Variants in QTGAL observed in about 807,000 individuals in gnomAD.
QTGAL encodes the protein queuosine-tRNA galactosyltransferase, also known as BGnT-like protein 1.
At chr17:83,012,614 G>A in the QTGAL span, among the ~76,000 whole-genome samples, 1 of 152,166 alleles carries the variant, frequency 6.6e-6, no homozygotes, top group African/African-American at 2.4e-5. Flanking sequence ...CAGCTGCAGG[G>A]ACGCAAAGGG....
chr17:83,037,215 C>T, the QTGAL span, among the ~76,000 whole-genome samples: 2 of 152,170 alleles, frequency 1.3e-5, no homozygotes, highest in African/African-American at 4.8e-5. The surrounding 1 kb of genome is among the most constrained non-coding windows in gnomAD (Gnocchi z 5.2). Context: ...GGCACTCTCC[C>T]GTCTCCACTA....
chr17:82,957,109 C>T, the QTGAL span: 1 of 1,590,284 alleles, frequency 6.3e-7, no homozygotes. Flanking sequence ...AGGGGGAAGG[C>T]TCGGAGCAGC....
chr17:82,943,945 C>T, the QTGAL span: 1 of 152,172 alleles, frequency 6.6e-6, no homozygotes, highest in Non-Finnish European at 1.5e-5. Context: ...AGGCTTGGCT[C>T]CTGTGGTCGG....
the QTGAL span, among the ~76,000 whole-genome samples, chr17:83,045,683 A>G: frequency 6.6e-6 from 1 of 152,260 alleles, no homozygotes; most frequent in South Asian, 2.1e-4. Flanking sequence ...CAAATTATAT[A>G]TAATAAAGCT....
At chr17:82,964,029 G>GGGT in the QTGAL span, among the ~76,000 whole-genome samples, 26 of 143,954 alleles carry the variant, frequency 1.8e-4, no homozygotes, top group Middle Eastern at 3.6e-3. Context: ...GGCTGAGGTC[G>GGGT]GGGGGGTGGA....
the QTGAL span, among the ~76,000 whole-genome samples, chr17:82,973,183 C>A: frequency 6.6e-6 from 1 of 152,132 alleles, no homozygotes; most frequent in East Asian, 1.9e-4. Context: ...CCAAAGGAAC[C>A]GAAAGGAGAA....
chr17:82,957,371 G>A, the QTGAL span: 1 of 1,613,214 alleles, frequency 6.2e-7, no homozygotes. Context: ...TGCGCTGGCT[G>A]CCGGCAGTCA....
chr17:82,957,024 GT>G, the QTGAL span, among the ~76,000 whole-genome samples: 1 of 152,226 alleles, frequency 6.6e-6, no homozygotes, highest in African/African-American at 2.4e-5. Context: ...GGACAGCGGG[GT>G]TCTCCCCCCA....
At chr17:83,045,439 A>G in the QTGAL span, among the ~76,000 whole-genome samples, 1 of 152,260 alleles carries the variant, frequency 6.6e-6, no homozygotes, top group Non-Finnish European at 1.5e-5. Flanking sequence ...GTCAAAATAG[A>G]TCAAAGGCCT....
the QTGAL span, among the ~76,000 whole-genome samples, chr17:82,987,924 G>T: frequency 6.6e-6 from 1 of 152,148 alleles, no homozygotes; most frequent in South Asian, 2.1e-4. Context: ...TTTTCCATTT[G>T]TTTGTGTCCT....
the QTGAL span, among the ~76,000 whole-genome samples, chr17:82,952,644 A>G: frequency 1.3e-5 from 2 of 152,210 alleles, no homozygotes; most frequent in Non-Finnish European, 2.9e-5. Context: ...TCAATATTTG[A>G]GACAGAAAAT....
chr17:83,017,990 ACG>A, the QTGAL span, among the ~76,000 whole-genome samples: 1 of 143,348 alleles, frequency 7.0e-6, no homozygotes, highest in African/African-American at 2.6e-5. Context: ...CAGGTACCAC[ACG>A]TGCTCCGTGA....
At chr17:83,005,611 G>A in the QTGAL span, 2 of 702,728 alleles carry the variant, frequency 2.8e-6, no homozygotes, top group South Asian at 1.5e-5. This position sits in a 1 kb window ranked among gnomAD's most constrained non-coding sequence, Gnocchi z 5.6. Flanking sequence ...TGAGGAAACC[G>A]CTGCCTGTCC....
At chr17:82,956,774 G>A in the QTGAL span, 1 of 1,575,344 alleles carries the variant, frequency 6.3e-7, no homozygotes, top group Non-Finnish European at 8.6e-7. This position sits in a 1 kb window ranked among gnomAD's most constrained non-coding sequence, Gnocchi z 5.7. Context: ...TCTTTCCTGA[G>A]AGTGACAGTG....
At chr17:83,031,246 G>A in the QTGAL span, among the ~76,000 whole-genome samples, 4 of 152,138 alleles carry the variant, frequency 2.6e-5, no homozygotes, top group Non-Finnish European at 5.9e-5. Context: ...AGCGACGGCC[G>A]CCAGAGCACC....
At chr17:82,960,852 C>A in the QTGAL span, among the ~76,000 whole-genome samples, 1 of 152,272 alleles carries the variant, frequency 6.6e-6, no homozygotes, top group East Asian at 1.9e-4. Flanking sequence ...CTCCCTGGCG[C>A]CCTTGGGAAA....
the QTGAL span, chr17:83,048,781 A>G: frequency 6.2e-7 from 1 of 1,611,492 alleles, no homozygotes; most frequent in Non-Finnish European, 8.5e-7. Flanking sequence ...TGGGAGGATA[A>G]TAGACTGGAA....
At chr17:82,966,307 A>G in the QTGAL span, among the ~76,000 whole-genome samples, 3 of 152,214 alleles carry the variant, frequency 2.0e-5, no homozygotes, top group African/African-American at 7.2e-5. Context: ...CTCCCAGCTC[A>G]GCCTCCCAAA....
chr17:82,974,822 C>T, the QTGAL span, among the ~76,000 whole-genome samples: 1 of 152,208 alleles, frequency 6.6e-6, no homozygotes, highest in African/African-American at 2.4e-5. Flanking sequence ...GTCTGCACGG[C>T]GCAGACAGGC....
Sources: allele counts gnomAD v4.1 joint callset (sites outside exome capture counted in the v4.1 genomes callset), GRCh38; gene constraint gnomAD v4.1.1; non-coding constraint Gnocchi (gnomAD v3.1); transcripts MANE v1.5; gene names NCBI Gene and HGNC (gene_info 2026-07-23, HGNC 2026-07-21).